RIMS2: variants seen among roughly 807,000 people sequenced by gnomAD.
RIMS2 encodes the protein regulating synaptic membrane exocytosis protein 2.
Under a neutral mutation model 174.4 loss-of-function variants are expected in RIMS2, and 59 were observed. The observed-to-expected ratio is 0.34, with a 90% CI of 0.27 to 0.42. The LOEUF is 0.42. Among genes scored for constraint, RIMS2 ranks in the 10% least tolerant of loss-of-function variants. The pLI, the probability that RIMS2 is intolerant of heterozygous loss-of-function variation, is 1.00. For missense variants in RIMS2, 1,620 were observed against 1,666.3 expected, an observed-to-expected ratio of 0.97 and a Z score of 0.48; for synonymous variants, 606 against 572.5, an observed-to-expected ratio of 1.06 and a Z score of -0.84.
rs7828014 is a variant in RIMS2, at chr8:104,017,314, A to G, written c.3334+2699A>G. On this transcript the variant is annotated intron_variant, in intron 19 of 23. Coordinates refer to ENST00000504942, the Ensembl canonical transcript of RIMS2. Reference sequence around the variant, plus strand: ...TTTAATGGCATTATTTTAGAATTAAAGTATTGAAATATTTATTTTCAAATC... The same window carrying G: ...TTTAATGGCATTATTTTAGAATTAAGGTATTGAAATATTTATTTTCAAATC... 2.4e-3 allele frequency among the ~76,000 whole-genome samples: 369 copies of G among 152,054 alleles called. 2 individuals carry two copies. The highest frequency in any genetic ancestry group is 7.9e-3 in the African/African-American group (330 of 41,572).
At chr8:103,728,032 G>C (rs2097544983) in intron 2 of RIMS2, among the ~76,000 whole-genome samples, 1 of 151,902 alleles carries the variant, frequency 6.6e-6, no homozygotes, top group African/African-American at 2.4e-5. Flanking sequence ...TGGTTAGTAT[G>C]GACACTTTAA....
intron 19 of RIMS2, among the ~76,000 whole-genome samples, chr8:104,076,711 T>C (rs942979641): frequency 1.3e-5 from 2 of 152,290 alleles, no homozygotes; most frequent in Non-Finnish European, 2.9e-5. Flanking sequence ...CTACCTCTTA[T>C]ACTATCTGTA....
At chr8:104,165,606 C>T (rs1233591818) in intron 19 of RIMS2, among the ~76,000 whole-genome samples, 1 of 151,174 alleles carries the variant, frequency 6.6e-6, no homozygotes, top group East Asian at 1.9e-4. Context: ...TCTTTTTGGT[C>T]CTTTATGATT....
chr8:103,917,916 C>T (rs1429020294), intron 8 of RIMS2, among the ~76,000 whole-genome samples: 1 of 152,044 alleles, frequency 6.6e-6, no homozygotes, highest in Non-Finnish European at 1.5e-5. Flanking sequence ...TTGCAGTGAG[C>T]TGAGATCGCG....
At position 103,750,888 on chromosome 8, in the gene RIMS2, C is replaced by A. The variant is rs958490668; in HGVS notation, c.388-15339C>A. Among the ~76,000 whole-genome samples, 15 of 152,102 alleles carry A rather than the reference C, an allele frequency of 9.9e-5. 1 individual carries two copies. The highest frequency in any genetic ancestry group is 2.9e-5 in the Non-Finnish European group (2 of 68,036). ...GATATGCTTTGGCTATGTCCCCAAC[C>A]AAATCTCATCTTGAATTCCCACGTG... On this transcript the variant is annotated intron_variant, in intron 2 of 23. Coordinates refer to ENST00000504942, the Ensembl canonical transcript of RIMS2.
chr8:103,506,591 T>A (rs1823743868), intron 1 of RIMS2, among the ~76,000 whole-genome samples: 1 of 152,202 alleles, frequency 6.6e-6, no homozygotes, highest in African/African-American at 2.4e-5. Context: ...ATAGACTAAG[T>A]ATCCTGGCAT....
intron 19 of RIMS2, among the ~76,000 whole-genome samples, chr8:104,021,256 A>G (rs1000342426): frequency 6.6e-6 from 1 of 152,140 alleles, no homozygotes; most frequent in Non-Finnish European, 1.5e-5. Context: ...TTATTCTTTA[A>G]TGCACATTCT....
At chr8:104,248,614 C>T (rs2099347642) in intron 20 of RIMS2, 87 bp from the exon 27 acceptor site, 1 of 773,404 alleles carries the variant, frequency 1.3e-6, no homozygotes. Flanking sequence ...CTAGTCTTGC[C>T]ACAATAATGA....
chr8:103,547,797 A>G (rs1352786478), intron 1 of RIMS2, among the ~76,000 whole-genome samples: 1 of 152,178 alleles, frequency 6.6e-6, no homozygotes, highest in East Asian at 1.9e-4. Flanking sequence ...AGAACATCCA[A>G]ATAAACACAA....
At chr8:103,868,280 T>G (rs2099093327) in intron 3 of RIMS2, among the ~76,000 whole-genome samples, 1 of 152,102 alleles carries the variant, frequency 6.6e-6, no homozygotes, top group Non-Finnish European at 1.5e-5. Flanking sequence ...GTGAAAAACC[T>G]AGAAATCATC....
intron 1 of RIMS2, among the ~76,000 whole-genome samples, chr8:103,662,690 C>T (rs1474212703): frequency 6.6e-6 from 1 of 150,896 alleles, no homozygotes. Context: ...ATCTATCTAT[C>T]TATCTATCTA....
intron 19 of RIMS2, among the ~76,000 whole-genome samples, chr8:104,204,390 T>C (rs541237779): frequency 6.6e-6 from 1 of 152,046 alleles, no homozygotes; most frequent in South Asian, 2.1e-4. Flanking sequence ...TTGCCAAGCT[T>C]AGTTTTACTT....
At chr8:103,597,271 A>G (rs1445321213) in intron 1 of RIMS2, among the ~76,000 whole-genome samples, 1 of 152,290 alleles carries the variant, frequency 6.6e-6, no homozygotes, top group East Asian at 1.9e-4. Flanking sequence ...TGATAGCCTG[A>G]GAGAATACAC....
chr8:103,904,477 T>G (rs1405457241), intron 4 of RIMS2, among the ~76,000 whole-genome samples: 2 of 152,022 alleles, frequency 1.3e-5, no homozygotes, highest in Non-Finnish European at 2.9e-5. Flanking sequence ...TTTGAGCCAG[T>G]TCCCCTCAAT....
intron 1 of RIMS2, among the ~76,000 whole-genome samples, chr8:103,533,677 A>G (rs1030729838): frequency 6.1e-5 from 9 of 148,330 alleles, no homozygotes; most frequent in South Asian, 4.2e-4. Flanking sequence ...AAAAAAAAAA[A>G]AAAAAGAAAA....
At chr8:104,161,314 C>T (rs868156505) in intron 19 of RIMS2, among the ~76,000 whole-genome samples, 3 of 152,136 alleles carry the variant, frequency 2.0e-5, no homozygotes, top group Non-Finnish European at 4.4e-5. Flanking sequence ...ATGGCCTGGA[C>T]ATTTTGGACA....
At chr8:103,653,466 A>G (rs543754311) in intron 1 of RIMS2, among the ~76,000 whole-genome samples, 75 of 152,180 alleles carry the variant, frequency 4.9e-4, no homozygotes, top group Non-Finnish European at 9.1e-4. Flanking sequence ...GACAGTTGTC[A>G]TAATATTCAG....
At chr8:103,596,108 A>G (rs1053443878) in intron 1 of RIMS2, among the ~76,000 whole-genome samples, 1 of 151,998 alleles carries the variant, frequency 6.6e-6, no homozygotes, top group Non-Finnish European at 1.5e-5. Flanking sequence ...TTTTACAAAC[A>G]ACTTTTATGT....
intron 2 of RIMS2, among the ~76,000 whole-genome samples, chr8:103,761,025 T>A (rs2098106766): frequency 6.6e-6 from 1 of 152,250 alleles, no homozygotes; most frequent in Admixed American, 6.5e-5. Flanking sequence ...TTTAGTAGAA[T>A]GTAGTGAATA....
Sources: allele counts gnomAD v4.1 joint callset (sites outside exome capture counted in the v4.1 genomes callset), GRCh38; gene constraint gnomAD v4.1.1; transcripts MANE v1.5; gene names NCBI Gene and HGNC (gene_info 2026-07-23, HGNC 2026-07-21).